The following NYX variants were observed in gnomAD, a reference collection of about 807,000 sequenced individuals.
The protein encoded by NYX is nyctalopin.
For missense variants in NYX, 481 were observed against 485.4 expected (o/e 0.99, Z 0.09); for synonymous variants, 258 against 245.7 (o/e 1.05, Z -0.47).
intron 2 of NYX, chrX:41,472,464 C>A: frequency 2.2e-6 from 2 of 904,582 alleles, no homozygotes; most frequent in Non-Finnish European, 3.2e-6. Context: ...AGGTAACGAT[C>A]CCGAAGGGCG....
chrX:41,470,403 C>A (rs1284425700), intron 2 of NYX, among the ~76,000 whole-genome samples: 2 of 111,622 alleles, frequency 1.8e-5, no homozygotes, highest in African/African-American at 6.5e-5. Context: ...GTATAAAAAT[C>A]ATTGATGCAG....
chrX:41,474,770 C>G lies in NYX; in HGVS notation c.1302C>G (p.Asn434Lys). 8.4e-7 allele frequency: 1 copy of G among 1,193,878 alleles called. No homozygotes were observed. Among genetic ancestry groups the G allele is most frequent in the Non-Finnish European group, 1.1e-6 (1 of 887,681 alleles). The change falls in exon 3 of 3, where the codon AAC becomes AAG. Residue 434 changes from asparagine to lysine, a missense_variant. By Grantham distance (94) the Asn-to-Lys change is moderately conservative (BLOSUM62 0). Transcript: ENST00000378220. ...CCAACACCACTGGGGGGCTGGCCAA[C>G]GCCTCCCTGTCCGACAGCCTCTCCT... ...EAANTTGGLA[N>K]ASLSDSLSSR...
intron 2 of NYX, among the ~76,000 whole-genome samples, chrX:41,467,681 A>G (rs1253196685): frequency 9.1e-6 from 1 of 110,319 alleles, no homozygotes; most frequent in African/African-American, 3.3e-5. Context: ...TTGGGAGGAC[A>G]AGGTCTTGCT....
Position 41,474,371 on chromosome X carries a change from G to A in NYX, c.903G>A (p.Ala301=), listed in dbSNP as rs965071108. 1 of 1,207,836 alleles carries A rather than the reference G, an allele frequency of 8.3e-7. No individual in the cohort carries two copies. Among genetic ancestry groups the A allele is most frequent in the East Asian group, 3.0e-5 (1 of 33,810 alleles). The change falls in exon 3 of 3, where the codon GCG becomes GCA. Residue 301 remains alanine, a synonymous_variant. Transcript: ENST00000378220. ...TCCAGAACCTCTCGGGTCTCCTCGC[G>A]CTGCACCTCAACGGCAACCGCCTCA... The part of the protein sequence containing the change: ...GAFQNLSGLL[A]LHLNGNRLTV...
intron 2 of NYX, among the ~76,000 whole-genome samples, chrX:41,464,302 C>T (rs944258330): frequency 1.8e-5 from 2 of 110,584 alleles, no homozygotes; most frequent in Non-Finnish European, 3.8e-5. Flanking sequence ...CATGCCACCA[C>T]ACATAGTTAA....
rs375147416 is a variant in NYX at position 41,461,889 on chromosome X, C to T, written c.23-11602C>T. Among the ~76,000 whole-genome samples, 15 of 111,175 alleles carry T rather than the reference C, an allele frequency of 1.3e-4. 1 individual carries two copies. In the East Asian group the frequency reaches 1.4e-3, roughly 10 times the overall value. ...CGATCTCGGCTCACTGCAACCTCTG[C>T]CTCCTGGGTTCAAGCAATTCTCCTG... On this transcript the variant is annotated intron_variant, in intron 2 of 2. Coordinates refer to ENST00000378220, the MANE Select transcript of NYX (RefSeq NM_001378477.3).
chrX:41,472,304 G>A, intron 2 of NYX: 1 of 1,133,844 alleles, frequency 8.8e-7, no homozygotes, highest in Non-Finnish European at 1.2e-6. Context: ...TCGGAGCAGC[G>A]CCTCTGCTTG....
In NYX at chrX:41,474,956, G is replaced by C; in HGVS notation, c.*57G>C. 9.5e-7 allele frequency: 1 copy of C among 1,050,052 alleles called. No homozygotes were observed. Among genetic ancestry groups the C allele is most frequent in the Non-Finnish European group, 1.3e-6 (1 of 763,434 alleles). 86.5% of individuals were successfully genotyped at this position (1,050,052 alleles called of 1,213,427 possible). ...GGGCTTGAGTGTGTTTGTGGTAAGG[G>C]GAGAGGAGCCGGAATGGAGGGCAGA... On this transcript the variant is annotated 3_prime_UTR_variant, in exon 3 of 3. Transcript: ENST00000378220.
intron 2 of NYX, among the ~76,000 whole-genome samples, chrX:41,466,757 A>G (rs1477225512): frequency 2.0e-4 from 15 of 73,477 alleles, no homozygotes; most frequent in African/African-American, 2.7e-4. Context: ...TTTAGTAGAG[A>G]CAGGGTTTCG....
intron 2 of NYX, chrX:41,472,193 C>G: frequency 5.1e-6 from 3 of 591,183 alleles, no homozygotes; most frequent in Non-Finnish European, 7.8e-6. Flanking sequence ...GAGTTCCTGG[C>G]TCGGGAACAT....
chrX:41,457,996 G>A (rs888940856), intron 2 of NYX, among the ~76,000 whole-genome samples: 1 of 111,856 alleles, frequency 8.9e-6, no homozygotes, highest in Admixed American at 9.6e-5. Flanking sequence ...GTCCAGGATT[G>A]AGGGGCTCAC....
Position 41,473,743 on chromosome X carries a change from A to T in NYX, c.275A>T (p.Asn92Ile). 1 of 1,155,200 alleles carries T rather than the reference A, an allele frequency of 8.7e-7. No individual in the cohort carries two copies. Among genetic ancestry groups the T allele is most frequent in the South Asian group, 1.9e-5 (1 of 52,969 alleles). ...CGCCGCCTGTCGCTGCGCCACAACA[A>T]CCTGTCCTTCATCACGCCCGGCGCC... ...SLRRLSLRHN[N>I]LSFITPGAFK... The change falls in exon 3 of 3, where the codon AAC (asparagine) becomes ATC (isoleucine). Residue 92 changes from asparagine to isoleucine, a missense_variant. Physicochemically the swap from Asn to Ile is moderately radical, Grantham distance 149. Coordinates refer to ENST00000378220, the MANE Select transcript of NYX (RefSeq NM_001378477.3).
At chrX:41,452,922 T>C (rs182489727) in intron 2 of NYX, among the ~76,000 whole-genome samples, 7 of 112,002 alleles carry the variant, frequency 6.2e-5, no homozygotes, top group Non-Finnish European at 1.1e-4. Flanking sequence ...CAGCCAGTCT[T>C]GTTTTGAAGA....
At position 41,447,882 on chromosome X, in the gene NYX, C is replaced by A; in HGVS notation, c.-23C>A. The A allele has an allele frequency of 1.7e-6, 2 of 1,210,895 alleles. No homozygotes were observed. Among genetic ancestry groups the A allele is most frequent in the Non-Finnish European group, 2.2e-6 (2 of 894,944 alleles). ...CCCACGGCTGGGTGGTCCTAAGCCA[C>A]TGGGTGGATGAAAGGCCGAGGGATG... On this transcript the variant is annotated 5_prime_UTR_variant, in exon 2 of 3. The change creates a new upstream start codon in the 5' untranslated region. Coordinates refer to ENST00000378220, the MANE Select transcript of NYX (RefSeq NM_001378477.3).
chrX:41,474,019 T>C lies in NYX; in HGVS notation c.551T>C (p.Leu184Pro). The C allele has an allele frequency of 9.5e-7, 1 of 1,054,722 alleles. No individual in the cohort carries two copies. The highest frequency in any genetic ancestry group is 1.2e-6 in the Non-Finnish European group (1 of 826,792). The allele number at this position is 1,054,722 out of a possible 1,213,427, so 86.9% of individuals were successfully genotyped here. Reference sequence around the variant, plus strand: ...CTGGCCAACCTGACGCACGCGCACCTGGAGCGCGGCCGCATCGAGGCGGTG... The same window carrying C: ...CTGGCCAACCTGACGCACGCGCACCCGGAGCGCGGCCGCATCGAGGCGGTG... ...RGLANLTHAH[L>P]ERGRIEAVAS... Residue 184 changes from leucine to proline, a missense_variant, in exon 3 of 3, where the codon CTG becomes CCG. Coordinates refer to ENST00000378220, the MANE Select transcript of NYX (RefSeq NM_001378477.3).
In NYX at chrX:41,447,410, C is replaced by A; in HGVS notation, c.-163C>A. On this transcript the variant is annotated 5_prime_UTR_variant, in exon 1 of 3. Coordinates refer to ENST00000378220, the MANE Select transcript of NYX (RefSeq NM_001378477.3). Reference sequence around the variant, plus strand: ...TCCCCCCACCCCCACCTTTACTTCTCTCTCAAACCATTTTCAGCATCTGTG... The same window carrying A: ...TCCCCCCACCCCCACCTTTACTTCTATCTCAAACCATTTTCAGCATCTGTG... 7.8e-6 allele frequency: 1 copy of A among 127,964 alleles called. No individual in the cohort carries two copies. The highest frequency in any genetic ancestry group is 1.6e-5 in the Non-Finnish European group (1 of 63,158). The allele number at this position is 127,964 out of a possible 1,213,427, so 10.5% of individuals were successfully genotyped here. A position where few individuals can be genotyped will look rare whatever the true frequency, so the allele number is the denominator to read the frequency against.
At position 41,473,640 on chromosome X, in the gene NYX, G is replaced by C. The variant is rs1447483227; in HGVS notation, c.172G>C (p.Glu58Gln). 9.3e-7 allele frequency: 1 copy of C among 1,076,327 alleles called. No homozygotes were observed. 88.7% of individuals were successfully genotyped at this position (1,076,327 alleles called of 1,213,427 possible). A position where few individuals can be genotyped will look rare whatever the true frequency, so the allele number is the denominator to read the frequency against. ...GCGGGTGCCGGCCGAGCTCCCGTGC[G>C]AGGCGGTCTCCATCGACCTGGACCG... ...LLRVPAELPC[E>Q]AVSIDLDRNG... The change falls in exon 3 of 3, where the codon GAG (glutamate) becomes CAG (glutamine). Residue 58 changes from glutamate to glutamine, a missense_variant. Coordinates refer to ENST00000378220, the MANE Select transcript of NYX (RefSeq NM_001378477.3).
chrX:41,474,074 C>T lies in NYX; in HGVS notation c.606C>T (p.Arg202=). Residue 202 remains arginine, a synonymous_variant, in exon 3 of 3, where the codon CGC becomes CGT. Transcript: ENST00000378220. ...VASSSLQGLR[R]LRSLSLQANR... is the part of the protein sequence containing the mutation. ...CCAGCTCGCTGCAGGGCCTGCGCCG[C>T]CTGCGCTCGCTCAGCCTGCAGGCCA... 9.2e-7 allele frequency: 1 copy of T among 1,082,964 alleles called. No homozygotes were observed. Among genetic ancestry groups the T allele is most frequent in the East Asian group, 3.6e-5 (1 of 28,117 alleles). 89.2% of individuals were successfully genotyped at this position (1,082,964 alleles called of 1,213,427 possible). A position where few individuals can be genotyped will look rare whatever the true frequency, so the allele number is the denominator to read the frequency against.
chrX:41,459,579 A>T (rs1427882282), intron 2 of NYX, among the ~76,000 whole-genome samples: 1 of 110,230 alleles, frequency 9.1e-6, no homozygotes, highest in Non-Finnish European at 1.9e-5. Context: ...AGATCATGCC[A>T]CTGCACTCCA....
Sources: gnomAD v4.1 joint callset for allele counts (sites outside exome capture counted in the v4.1 genomes callset) on GRCh38, gnomAD v4.1.1 for gene constraint, MANE v1.5 for transcripts, NCBI Gene and HGNC (gene_info 2026-07-23, HGNC 2026-07-21) for gene names.